The following SRPK2 variants were observed in gnomAD, a reference collection of about 807,000 sequenced individuals.
The protein encoded by SRPK2 is SRSF protein kinase 2, also known as SFRS protein kinase 2.
In SRPK2, 21 loss-of-function variants were observed where a neutral mutation model predicts 90.8. That is an observed-to-expected ratio of 0.23 (90% CI 0.16 to 0.33). The LOEUF (loss-of-function observed/expected upper bound fraction) is 0.33, where lower values mean the gene tolerates loss of function less well. Among genes scored for constraint, SRPK2 ranks in the 10% least tolerant of loss-of-function variants. The probability of loss-of-function intolerance (pLI) is 1.00; values close to 1 mark genes in which losing one functional copy is unlikely to be tolerated. For missense variants in SRPK2, 620 were observed against 869.0 expected, an observed-to-expected ratio of 0.71 and a Z score of 3.60; for synonymous variants, 288 against 311.1, an observed-to-expected ratio of 0.93 and a Z score of 0.78.
chr7:105,383,051 AAATTTTT>A (rs1821127091), intron 2 of SRPK2, among the ~76,000 whole-genome samples: 3 of 10,308 alleles, frequency 2.9e-4, no homozygotes, highest in African/African-American at 3.4e-4. Flanking sequence ...TCAAAAGTAA[AAATTTTT>A]TTTTTTTTTT....
At position 105,129,283 on chromosome 7, in the gene SRPK2, G is replaced by A. The variant is rs1172184998; in HGVS notation, c.1753-2221C>T. Among the ~76,000 whole-genome samples, 3 of 151,978 alleles carry A rather than the reference G, an allele frequency of 2.0e-5. No homozygotes were observed. The East Asian group carries it at 5.8e-4, about 29-fold the overall frequency. On this transcript the variant is annotated intron_variant, in intron 13 of 15. Transcript: ENST00000393651. ...GAACAAGGAAGATGAAGGCTGTAAT[G>A]CTACCCATTTTTGATTCTTTGGAGA...
At chr7:105,240,679 G>C (rs1055320783) in intron 2 of SRPK2, among the ~76,000 whole-genome samples, 5 of 152,108 alleles carry the variant, frequency 3.3e-5, no homozygotes, top group African/African-American at 1.2e-4. Context: ...ACCAAACTTT[G>C]AACCTCACTT....
intron 6 of SRPK2, among the ~76,000 whole-genome samples, chr7:105,163,535 C>A (rs1181247181): frequency 6.6e-6 from 1 of 152,182 alleles, no homozygotes; most frequent in Non-Finnish European, 1.5e-5. Context: ...TGGCTCACAC[C>A]TGTAATCCCA....
chr7:105,389,254 C>T, upstream of SRPK2: 1 of 1,256,632 alleles, frequency 8.0e-7, no homozygotes, highest in Non-Finnish European at 1.0e-6. Flanking sequence ...CCCGGCCGGT[C>T]GCGCCGCCCG....
rs536070925 is a variant in SRPK2, at chr7:105,122,504, T to C, written c.1915+3744A>G. Among the ~76,000 whole-genome samples, 5 of 152,314 alleles carry C rather than the reference T, an allele frequency of 3.3e-5. No individual in the cohort carries two copies. In the East Asian group the frequency reaches 7.7e-4, roughly 24 times the overall value. On this transcript the variant is annotated intron_variant, in intron 15 of 15. Coordinates refer to ENST00000393651, the MANE Select transcript of SRPK2 (RefSeq NM_182692.3). ...ACGCCCAGCCTGTGTAGCTGTCAAA[T>C]GCCCACGAAAGAGCTTTCTTTGCTC...
chr7:105,298,852 A>G (rs1810181933), intron 2 of SRPK2: 2 of 949,356 alleles, frequency 2.1e-6, no homozygotes, highest in Non-Finnish European at 2.5e-6. Context: ...AACCTGTGAC[A>G]GCAGTCTTTC....
chr7:105,187,067 A>C (rs1585102557), intron 3 of SRPK2, among the ~76,000 whole-genome samples: 2 of 152,322 alleles, frequency 1.3e-5, no homozygotes, highest in South Asian at 4.1e-4. Context: ...GTCTTTTCTA[A>C]ATTCTTGATA....
At chr7:105,336,951 G>A (rs1241626323) in intron 2 of SRPK2, among the ~76,000 whole-genome samples, 4 of 151,998 alleles carry the variant, frequency 2.6e-5, no homozygotes, top group Admixed American at 2.0e-4. Flanking sequence ...ACAGGCACCC[G>A]CCACCACACC....
intron 15 of SRPK2, among the ~76,000 whole-genome samples, chr7:105,125,129 CAAAAA>C (rs61616576): frequency 1.1e-5 from 1 of 88,092 alleles, no homozygotes; most frequent in African/African-American, 4.9e-5. Context: ...GACTCCATCT[CAAAAA>C]AAAAAAAAAA....
At chr7:105,184,065 T>C (rs1435763885) in intron 3 of SRPK2, among the ~76,000 whole-genome samples, 1 of 135,620 alleles carries the variant, frequency 7.4e-6, no homozygotes, top group Middle Eastern at 4.5e-3. Context: ...AACCTCCGCC[T>C]CCCAGGTTCA....
intron 2 of SRPK2, among the ~76,000 whole-genome samples, chr7:105,263,653 A>G (rs1226103414): frequency 2.0e-5 from 3 of 152,202 alleles, no homozygotes; most frequent in Admixed American, 2.0e-4. Flanking sequence ...ACAGACTTAA[A>G]TGTTAAGATC....
At chr7:105,334,985 A>C (rs1814915495) in intron 2 of SRPK2, among the ~76,000 whole-genome samples, 1 of 150,530 alleles carries the variant, frequency 6.6e-6, no homozygotes, top group African/African-American at 2.5e-5. Flanking sequence ...TCTGGCCAAC[A>C]CGGTGAAACC....
At chr7:105,140,820 G>C (rs545584554) in intron 11 of SRPK2, among the ~76,000 whole-genome samples, 24 of 151,930 alleles carry the variant, frequency 1.6e-4, no homozygotes, top group Non-Finnish European at 3.2e-4. Flanking sequence ...AATTAGCCGG[G>C]CATGGTGGCA....
At chr7:105,141,862 A>T in intron 11 of SRPK2, 146 bp downstream of exon 11, 3 of 820,732 alleles carry the variant, frequency 3.7e-6, no homozygotes, top group Non-Finnish European at 5.5e-6. Flanking sequence ...AAATCACATT[A>T]CTTCTTCAGG....
At chr7:105,122,546 A>C (rs1800542446) in intron 15 of SRPK2, among the ~76,000 whole-genome samples, 1 of 152,198 alleles carries the variant, frequency 6.6e-6, no homozygotes, top group South Asian at 2.1e-4. Context: ...GCATCAAAAG[A>C]ATCTGTTGCT....
intron 2 of SRPK2, among the ~76,000 whole-genome samples, chr7:105,246,942 G>A (rs1012826978): frequency 6.6e-6 from 1 of 152,166 alleles, no homozygotes; most frequent in African/African-American, 2.4e-5. Context: ...TCTTCCAAGA[G>A]CCAGGCAGGT....
intron 2 of SRPK2, among the ~76,000 whole-genome samples, chr7:105,320,404 C>T (rs1307221908): frequency 1.3e-5 from 2 of 152,098 alleles, no homozygotes; most frequent in Non-Finnish European, 2.9e-5. Flanking sequence ...ATGGAGAAAA[C>T]TTATCTATAA....
chr7:105,230,616 C>A (rs978296223), intron 2 of SRPK2, among the ~76,000 whole-genome samples: 16 of 152,222 alleles, frequency 1.1e-4, no homozygotes, highest in African/African-American at 3.9e-4. Context: ...TGCTTCACCA[C>A]TCACATTTGT....
chr7:105,171,838 T>G (rs917541425), intron 3 of SRPK2, among the ~76,000 whole-genome samples: 3 of 152,232 alleles, frequency 2.0e-5, no homozygotes, highest in Admixed American at 1.3e-4. Flanking sequence ...CTTAGAAGAT[T>G]AAACTAAAAT....
Sources: gnomAD v4.1 joint callset for allele counts (sites outside exome capture counted in the v4.1 genomes callset) on GRCh38, gnomAD v4.1.1 for gene constraint, MANE v1.5 for transcripts, NCBI Gene and HGNC (gene_info 2026-07-23, HGNC 2026-07-21) for gene names.